Variants in GREM1 observed in about 807,000 individuals in gnomAD.
GREM1 encodes the protein gremlin 1, DAN family BMP antagonist, also known as gremlin-1.
In GREM1, 6 loss-of-function variants were observed where a neutral mutation model predicts 13.1. The observed-to-expected ratio is 0.46, with a 90% confidence interval of 0.25 to 0.91. The LOEUF (loss-of-function observed/expected upper bound fraction) is 0.91. Ranked by LOEUF, GREM1 falls within the 40% of genes least tolerant of loss-of-function variation. The pLI, the probability that GREM1 is intolerant of heterozygous loss-of-function variation, is 0.18. For synonymous variants in GREM1, 98 were observed against 93.7 expected (o/e 1.05, Z -0.27); for missense variants, 185 against 233.9 (o/e 0.79, Z 1.36).
Position 32,726,710 on chromosome 15 carries a change from GTTT to G in GREM1, c.-1-3966_-1-3964del, listed in dbSNP as rs3054576. On this transcript the variant is annotated intron_variant, in intron 1 of 1. Coordinates refer to ENST00000651154, the MANE Select transcript of GREM1 (RefSeq NM_013372.7). The stretch of plus-strand genomic sequence containing the variant: ...CAAAAAATCAATGAACCCAGGAGCT[GTTT>G]TTTTTTTTTTTTTGAAAAGATTAAT... Among the ~76,000 whole-genome samples the G allele has an allele frequency of 0.17, 24,264 of 142,474 alleles. 2,629 individuals carry two copies. Among genetic ancestry groups the G allele is most frequent in the East Asian group, 0.41 (2,030 of 4,972 alleles). The allele number at this position is 142,474 out of a possible 152,430, so 93.5% of individuals were successfully genotyped here. A position where few individuals can be genotyped will look rare whatever the true frequency, so the allele number is the denominator to read the frequency against.
In GREM1 at chr15:32,735,856, T is replaced by C. The variant is rs1370875981; in HGVS notation, c.*4611T>C. The C allele has an allele frequency of 6.6e-6, 1 of 151,726 alleles. No homozygotes were observed. Among genetic ancestry groups the C allele is most frequent in the Admixed American group, 6.6e-5 (1 of 15,240 alleles). 9.4% of individuals were successfully genotyped at this position (151,726 alleles called of 1,614,324 possible). Reference sequence around the variant, plus strand: ...GGTCCCCCAAAGAGTCTCTCCTCCATAAAACTAATGAGAATGTGACAAAAA... The same window carrying C: ...GGTCCCCCAAAGAGTCTCTCCTCCACAAAACTAATGAGAATGTGACAAAAA... On this transcript the variant is annotated 3_prime_UTR_variant, in exon 2 of 2. Transcript: ENST00000651154.
rs757246207 is a variant in GREM1 at position 32,730,864 on chromosome 15, GGGGCGGGGCCAA to G, written c.184_195del (p.Gln62_Gly65del). 1 of 1,613,564 alleles carries G rather than the reference GGGGCGGGGCCAA, an allele frequency of 6.2e-7. No individual in the cohort carries two copies. The highest frequency in any genetic ancestry group is 8.5e-7 in the Non-Finnish European group (1 of 1,179,790). Reference sequence around the variant, plus strand: ...CCCAGCAGCCTGGCTCCAGGAACCGGGGGCGGGGCCAAGGGCGGGGCACTGCCATGCCCGGGG... The same window carrying G: ...CCCAGCAGCCTGGCTCCAGGAACCGGGGGCGGGGCACTGCCATGCCCGGGG... On this transcript the variant is annotated inframe_deletion, in exon 2 of 2. Coordinates refer to ENST00000651154, the MANE Select transcript of GREM1 (RefSeq NM_013372.7).
At chr15:32,725,156 T>C (rs1429357937) in intron 1 of GREM1, among the ~76,000 whole-genome samples, 2 of 152,200 alleles carry the variant, frequency 1.3e-5, no homozygotes, top group South Asian at 2.1e-4. Context: ...TACCCAGTAA[T>C]AGGATTCCTG....
Position 32,738,083 on chromosome 15 carries a change from C to CAAAAAAAAAAAAAAAAAAAAAAAAAAAA in GREM1, c.*6861_*6888dup, listed in dbSNP as rs67118209. On this transcript the variant is annotated 3_prime_UTR_variant, in exon 2 of 2. Coordinates refer to ENST00000651154, the MANE Select transcript of GREM1 (RefSeq NM_013372.7). ...GGAGGTTCTACCTAGGGTAATTAGG[C>CAAAAAAAAAAAAAAAAAAAAAAAAAAAA]AAAAAAAAAAAAAAAAAAAAAAAAA... 1.6e-4 allele frequency: 3 copies of CAAAAAAAAAAAAAAAAAAAAAAAAAAAA among 18,930 alleles called. No homozygotes were observed. The highest frequency in any genetic ancestry group is 2.3e-4 in the African/African-American group (1 of 4,378). The allele number at this position is 18,930 out of a possible 1,614,324, so 1.2% of individuals were successfully genotyped here.
intron 1 of GREM1, among the ~76,000 whole-genome samples, chr15:32,720,262 T>C (rs1444164972): frequency 6.6e-6 from 1 of 152,216 alleles, no homozygotes; most frequent in Non-Finnish European, 1.5e-5. Context: ...TTTATGTGAG[T>C]AGTTACACAG....
In GREM1 at chr15:32,733,550, A is replaced by G. The variant is rs2055656786; in HGVS notation, c.*2305A>G. On this transcript the variant is annotated 3_prime_UTR_variant, in exon 2 of 2. Coordinates refer to ENST00000651154, the MANE Select transcript of GREM1 (RefSeq NM_013372.7). The stretch of plus-strand genomic sequence containing the variant: ...CAACACTAACTTCACTGGGATAATC[A>G]GCAGCGTAACTACCCTAAAAGCATA... 2 of 233,508 alleles carry G rather than the reference A, an allele frequency of 8.6e-6. No individual in the cohort carries two copies. The highest frequency in any genetic ancestry group is 1.9e-4 in the South Asian group (1 of 5,384). The allele number at this position is 233,508 out of a possible 1,614,324, so 14.5% of individuals were successfully genotyped here. A position where few individuals can be genotyped will look rare whatever the true frequency, so the allele number is the denominator to read the frequency against.
rs2140772148 is a variant in GREM1, at chr15:32,743,184, A to T, written c.*11939A>T. The T allele has an allele frequency of 6.6e-6, 1 of 152,338 alleles. No homozygotes were observed. Among genetic ancestry groups the T allele is most frequent in the South Asian group, 2.1e-4 (1 of 4,830 alleles). The allele number at this position is 152,338 out of a possible 1,614,324, so 9.4% of individuals were successfully genotyped here. ...AGAAATGGACTTGAAGCTCAAAGAAAGCCCATAATATATTCCTTAAGATTT... is the reference window on the plus strand; with the variant it reads ...AGAAATGGACTTGAAGCTCAAAGAATGCCCATAATATATTCCTTAAGATTT... On this transcript the variant is annotated 3_prime_UTR_variant, in exon 2 of 2. Transcript: ENST00000651154.
intron 1 of GREM1, among the ~76,000 whole-genome samples, chr15:32,722,543 T>C (rs1595845165): frequency 6.6e-6 from 1 of 152,252 alleles, no homozygotes; most frequent in Non-Finnish European, 1.5e-5. Flanking sequence ...GTCATACATA[T>C]ACCATTTTTA....
At chr15:32,718,893 A>C (rs2055351720) in intron 1 of GREM1, 5 of 194,640 alleles carry the variant, frequency 2.6e-5, no homozygotes, top group East Asian at 1.4e-4. Flanking sequence ...TCGCTTCTCT[A>C]CTCCAGCCTC....
At chr15:32,722,750 G>C (rs1350856639) in intron 1 of GREM1, among the ~76,000 whole-genome samples, 1 of 152,128 alleles carries the variant, frequency 6.6e-6, no homozygotes, top group African/African-American at 2.4e-5. Flanking sequence ...GTGTCCTCTG[G>C]GACAAGTGGA....
Position 32,741,909 on chromosome 15 carries a change from C to A in GREM1, c.*10664C>A, listed in dbSNP as rs2055764814. Reference sequence around the variant, plus strand: ...AAAGTGTGTTAAATTTTGTCAAAACCTTTTTTACATCCATCAAATGATTAT... The same window carrying A: ...AAAGTGTGTTAAATTTTGTCAAAACATTTTTTACATCCATCAAATGATTAT... On this transcript the variant is annotated 3_prime_UTR_variant, in exon 2 of 2. Transcript: ENST00000651154. The A allele has an allele frequency of 6.6e-6, 1 of 151,976 alleles. No homozygotes were observed. Among genetic ancestry groups the A allele is most frequent in the Admixed American group, 6.6e-5 (1 of 15,248 alleles). The allele number at this position is 151,976 out of a possible 1,614,324, so 9.4% of individuals were successfully genotyped here.
In GREM1 at chr15:32,731,349, A is replaced by G; in HGVS notation, c.*104A>G. On this transcript the variant is annotated 3_prime_UTR_variant, in exon 2 of 2. Coordinates refer to ENST00000651154, the MANE Select transcript of GREM1 (RefSeq NM_013372.7). ...TTGGCTTAAACCTAGAGGCCAGAAGAACCCCCAGCTGCCTCCTGGCAGGAG... is the reference window on the plus strand; with the variant it reads ...TTGGCTTAAACCTAGAGGCCAGAAGGACCCCCAGCTGCCTCCTGGCAGGAG... 1.1e-6 allele frequency: 1 copy of G among 878,058 alleles called. No homozygotes were observed. Among genetic ancestry groups the G allele is most frequent in the Non-Finnish European group, 1.8e-6 (1 of 566,008 alleles). 54.4% of individuals were successfully genotyped at this position (878,058 alleles called of 1,614,324 possible). A position where few individuals can be genotyped will look rare whatever the true frequency, so the allele number is the denominator to read the frequency against.
rs1452094271 is a variant in GREM1 at position 32,732,912 on chromosome 15, A to G, written c.*1667A>G. 1.4e-5 allele frequency: 3 copies of G among 219,830 alleles called. No homozygotes were observed. The highest frequency in any genetic ancestry group is 2.3e-5 in the African/African-American group (1 of 43,780). The allele number at this position is 219,830 out of a possible 1,614,324, so 13.6% of individuals were successfully genotyped here. Reference sequence around the variant, plus strand: ...CTTCTCAGCCTCCTAGCCAAGTCCTATGTAATATGGAAAACAAACACTGCA... The same window carrying G: ...CTTCTCAGCCTCCTAGCCAAGTCCTGTGTAATATGGAAAACAAACACTGCA... On this transcript the variant is annotated 3_prime_UTR_variant, in exon 2 of 2. Transcript: ENST00000651154.
intron 1 of GREM1, among the ~76,000 whole-genome samples, chr15:32,725,941 G>A (rs1026761130): frequency 1.6e-4 from 24 of 152,232 alleles, no homozygotes; most frequent in African/African-American, 5.3e-4. Context: ...AAGATCAGAC[G>A]GTTGTAGATG....
In GREM1 at chr15:32,737,941, A is replaced by AAAAAG. The variant is rs1165827696; in HGVS notation, c.*6706_*6710dup. 301 of 137,196 alleles carry AAAAAG rather than the reference A, an allele frequency of 2.2e-3. 9 individuals are homozygous for AAAAAG. Among genetic ancestry groups the AAAAAG allele is most frequent in the Middle Eastern group, 3.9e-3 (1 of 254 alleles). 8.5% of individuals were successfully genotyped at this position (137,196 alleles called of 1,614,324 possible). The stretch of plus-strand genomic sequence containing the variant: ...AAAACTCTGTCTCAAAAAAAAAAAA[A>AAAAAG]AAAAGAAAAGAAAAACCCACAGCTA... On this transcript the variant is annotated 3_prime_UTR_variant, in exon 2 of 2. Coordinates refer to ENST00000651154, the MANE Select transcript of GREM1 (RefSeq NM_013372.7).
chr15:32,726,314 T>A (rs1015096425), intron 1 of GREM1, among the ~76,000 whole-genome samples: 3 of 152,014 alleles, frequency 2.0e-5, no homozygotes, highest in Admixed American at 1.3e-4. Context: ...CCCAGTGCAA[T>A]CAAATTAGAA....
chr15:32,726,273 A>G (rs2140680221), intron 1 of GREM1, among the ~76,000 whole-genome samples: 1 of 152,322 alleles, frequency 6.6e-6, no homozygotes, highest in African/African-American at 2.4e-5. Context: ...CAGCAAATGC[A>G]AAAAACAGAA....
intron 1 of GREM1, among the ~76,000 whole-genome samples, chr15:32,730,307 A>G (rs1356622049): frequency 6.6e-6 from 1 of 152,014 alleles, no homozygotes; most frequent in Non-Finnish European, 1.5e-5. Flanking sequence ...TCCTCTGAGC[A>G]GAGAGGTTAA....
At chr15:32,720,946 C>T (rs986285923) in intron 1 of GREM1, among the ~76,000 whole-genome samples, 2 of 152,066 alleles carry the variant, frequency 1.3e-5, no homozygotes, top group African/African-American at 2.4e-5. Context: ...CACCTGAGGT[C>T]GGGAGTTCGA....
Sources: gnomAD v4.1 joint callset for allele counts (sites outside exome capture counted in the v4.1 genomes callset) on GRCh38, gnomAD v4.1.1 for gene constraint, MANE v1.5 for transcripts, NCBI Gene and HGNC (gene_info 2026-07-23, HGNC 2026-07-21) for gene names.